Variants in CTCFL observed in about 807,000 individuals in gnomAD.
The protein encoded by CTCFL is transcriptional repressor CTCFL.
A neutral mutation model predicts 67.4 loss-of-function variants in CTCFL; 36 were observed. That is an observed-to-expected ratio of 0.53 (90% CI 0.41 to 0.71). The LOEUF is 0.71. Ranked by LOEUF, CTCFL falls within the 30% of genes least tolerant of loss-of-function variation. CTCFL has a pLI of 0.00. For missense variants in CTCFL, 786 were observed against 835.2 expected (o/e 0.94, Z 0.73); for synonymous variants, 324 against 302.3 (o/e 1.07, Z -0.75).
chr20:57,523,933 A>G lies in CTCFL; in HGVS notation c.273T>C (p.Ala91=), dbSNP rs756304828. 1 of 1,613,086 alleles carries G rather than the reference A, an allele frequency of 6.2e-7. No homozygotes were observed. Among genetic ancestry groups the G allele is most frequent in the Non-Finnish European group, 8.5e-7 (1 of 1,180,018 alleles). ...TLQTVHFTSE[A]VELQDMSLLS... ...GCAAGCTCATATCCTGCAACTCCAC[A>G]GCTTCAGAAGTGAAGTGCACCGTCT... Residue 91 remains alanine, a synonymous_variant, in exon 2 of 11, where the codon GCT becomes GCC. Coordinates refer to ENST00000243914, the MANE Select transcript of CTCFL (RefSeq NM_001386993.1).
At chr20:57,505,341 C>T (rs959308259) in intron 9 of CTCFL, among the ~76,000 whole-genome samples, 13 of 151,578 alleles carry the variant, frequency 8.6e-5, no homozygotes, top group African/African-American at 1.5e-4. Flanking sequence ...CTGCAAGCTC[C>T]GCCTCCCGGG....
intron 8 of CTCFL, among the ~76,000 whole-genome samples, chr20:57,512,110 A>C (rs974069908): frequency 2.0e-5 from 3 of 152,186 alleles, no homozygotes; most frequent in Non-Finnish European, 2.9e-5. Context: ...AAGATTATTA[A>C]AAAGAAAGTA....
Position 57,512,655 on chromosome 20 carries a change from G to A in CTCFL, c.1428C>T (p.His476=), listed in dbSNP as rs762684892. ...VFHERYALIQ[H]QKTHKNEKRF... ...TCTTCTCATTCTTATGAGTTTTCTG[G>A]TGCTGAATGAGGGCATAGCGTTCAT... The change falls in exon 8 of 11, where the codon CAC becomes CAT. Residue 476 remains histidine, a synonymous_variant. Coordinates refer to ENST00000243914, the MANE Select transcript of CTCFL (RefSeq NM_001386993.1). The A allele has an allele frequency of 2.5e-6, 4 of 1,614,090 alleles. No individual in the cohort carries two copies. The highest frequency in any genetic ancestry group is 3.4e-6 in the Non-Finnish European group (4 of 1,180,026).
intron 9 of CTCFL, among the ~76,000 whole-genome samples, chr20:57,505,547 C>T (rs1037201955): frequency 1.3e-5 from 2 of 152,222 alleles, no homozygotes; most frequent in Admixed American, 6.5e-5. Flanking sequence ...TGAGCCACCG[C>T]GCCCGGCCTT....
At chr20:57,498,747 A>G in intron 10 of CTCFL, 46 bp from the exon 11 acceptor site, 3 of 1,549,180 alleles carry the variant, frequency 1.9e-6, no homozygotes, top group Non-Finnish European at 2.7e-6. Context: ...AAAGCTAAGG[A>G]ATTGGAATTT....
chr20:57,503,218 G>C (rs2068008285), intron 10 of CTCFL, among the ~76,000 whole-genome samples: 1 of 152,216 alleles, frequency 6.6e-6, no homozygotes. Context: ...CCTCGGGGTG[G>C]GGGCCACACA....
chr20:57,518,420 G>T, intron 5 of CTCFL: 2 of 953,274 alleles, frequency 2.1e-6, no homozygotes, highest in Non-Finnish European at 2.9e-6. Context: ...TGCATTCTAC[G>T]TTAGAGCAAA....
At chr20:57,513,931 A>G in intron 7 of CTCFL, 4 of 1,279,562 alleles carry the variant, frequency 3.1e-6, no homozygotes, top group Non-Finnish European at 4.1e-6. Context: ...CCCATTGCTC[A>G]ACACTGGCTG....
At chr20:57,504,411 G>A (rs535948810) in intron 9 of CTCFL, among the ~76,000 whole-genome samples, 2 of 151,068 alleles carry the variant, frequency 1.3e-5, no homozygotes, top group African/African-American at 2.4e-5. Flanking sequence ...TCCCAAGTAG[G>A]TGGGACTACA....
At position 57,523,256 on chromosome 20, in the gene CTCFL, TTCTTCTCCTGC is replaced by T. The variant is rs1408522597; in HGVS notation, c.555_565del (p.Gln186ProfsTer5). 1 of 1,613,862 alleles carries T rather than the reference TTCTTCTCCTGC, an allele frequency of 6.2e-7. No homozygotes were observed. The highest frequency in any genetic ancestry group is 1.3e-5 in the African/African-American group (1 of 75,046). On this transcript the variant is annotated frameshift_variant, in exon 3 of 11. Transcript: ENST00000243914. LOFTEE classifies it high-confidence loss of function. ...CTTTGTTCTTTCAGCCAATAACTGGTTCTTCTCCTGCTCTTCCTCGAGCTAATAAACAACAA... is the reference window on the plus strand; with the variant it reads ...CTTTGTTCTTTCAGCCAATAACTGGTTCTTCCTCGAGCTAATAAACAACAA...
chr20:57,500,149 A>C (rs911769968), intron 10 of CTCFL: 6 of 983,046 alleles, frequency 6.1e-6, no homozygotes, highest in South Asian at 9.4e-5. Flanking sequence ...GGATATGAAA[A>C]GAAACACTGA....
At chr20:57,523,383 T>C (rs942328023) in intron 2 of CTCFL, 105 bp from the exon 3 acceptor site, 16 of 1,126,580 alleles carry the variant, frequency 1.4e-5, no homozygotes, top group Non-Finnish European at 2.0e-5. Context: ...AAGTGGAAGA[T>C]TATGCATCAC....
In CTCFL at chr20:57,508,610, C is replaced by T. The variant is rs545059271; in HGVS notation, c.1670G>A (p.Arg557His). The change falls in exon 9 of 11, where the codon CGC becomes CAC. Residue 557 changes from arginine (R) to histidine (H), a missense_variant. Physicochemically the swap from Arg to His is conservative, Grantham distance 29. This residue lies in a region of CTCFL where 199 missense variants were observed against 196.7 expected (regional missense o/e 1.01). Coordinates refer to ENST00000243914, the MANE Select transcript of CTCFL (RefSeq NM_001386993.1). ...CTGTGACTTAAGTAAGCTTACCCAG[C>T]GGGAAAAGCCTTTGCCACACTTGGA... ...KCSKCGKGFSRWINLHRHSEK... is the reference protein window; with the variant it reads ...KCSKCGKGFSHWINLHRHSEK... The T allele has an allele frequency of 2.2e-5, 36 of 1,613,756 alleles. No homozygotes were observed. Among genetic ancestry groups the T allele is most frequent in the South Asian group, 1.8e-4 (16 of 91,050 alleles).
rs1568886222 is a variant in CTCFL at position 57,523,666 on chromosome 20, G to T, written c.540C>A (p.Ile180=). Residue 180 remains isoleucine (I), a synonymous_variant, in exon 2 of 11, where the codon ATC becomes ATA. Coordinates refer to ENST00000243914, the MANE Select transcript of CTCFL (RefSeq NM_001386993.1). ...TGTTTATTAAAACCAGCTGTACCTT[G>T]ATCAGTCCAGTAGTTTCAGCCAGGC... ...AVSLAETTGL[I]KLEEEQEKNQ... The T allele has an allele frequency of 1.2e-6, 2 of 1,612,538 alleles. No homozygotes were observed. Among genetic ancestry groups the T allele is most frequent in the East Asian group, 2.2e-5 (1 of 44,852 alleles).
intron 3 of CTCFL, among the ~76,000 whole-genome samples, chr20:57,521,316 A>C (rs371993199): frequency 2.6e-5 from 4 of 152,358 alleles, no homozygotes; most frequent in East Asian, 3.9e-4. Flanking sequence ...GGAGATAGTC[A>C]ACACCTTTCG....
chr20:57,523,992 AG>A lies in CTCFL; in HGVS notation c.213del (p.Ser72ArgfsTer9), dbSNP rs776531369. 3 of 1,613,108 alleles carry A rather than the reference AG, an allele frequency of 1.9e-6. No individual in the cohort carries two copies. The stretch of plus-strand genomic sequence containing the variant: ...AGGATGTACTTCTCGCTCTCCTCCG[AG>A]GGGGCCAGCACCAGCTCCACTTCTT... Reference protein sequence around the residue: ...LEEEVELVLAPSEESEKYILT... With the variant: ...LEEEVELVLAXSEESEKYILT... On this transcript the variant is annotated frameshift_variant, in exon 2 of 11. Coordinates refer to ENST00000243914, the MANE Select transcript of CTCFL (RefSeq NM_001386993.1). LOFTEE classifies it high-confidence loss of function.
At chr20:57,507,546 C>G (rs765573246) in intron 9 of CTCFL, 2 of 701,668 alleles carry the variant, frequency 2.9e-6, no homozygotes, top group Non-Finnish European at 5.2e-6. Context: ...TGGCTTCCTA[C>G]TTGCACTCTC....
chr20:57,522,832 G>A (rs1419254483), intron 3 of CTCFL, among the ~76,000 whole-genome samples: 1 of 152,188 alleles, frequency 6.6e-6, no homozygotes, highest in African/African-American at 2.4e-5. Context: ...CTATGCTTAC[G>A]TGCACAAGGC....
At chr20:57,518,433 C>G in intron 5 of CTCFL, 1 of 1,073,300 alleles carries the variant, frequency 9.3e-7, no homozygotes. Flanking sequence ...AGAGCAAATA[C>G]ATTTTGATTT....
Sources: allele counts gnomAD v4.1 joint callset (sites outside exome capture counted in the v4.1 genomes callset), GRCh38; gene constraint gnomAD v4.1.1; regional missense constraint gnomAD v4.1.1; transcripts MANE v1.5; gene names NCBI Gene and HGNC (gene_info 2026-07-23, HGNC 2026-07-21).